The following ZDHHC14 variants were observed in gnomAD, a reference collection of about 807,000 sequenced individuals.
ZDHHC14 encodes the protein zDHHC palmitoyltransferase 14.
In ZDHHC14, 16 loss-of-function variants were observed where a neutral mutation model predicts 47.7. That is an observed-to-expected ratio of 0.34 (90% CI 0.23 to 0.51). ZDHHC14 has a LOEUF of 0.51. Ranked by LOEUF, ZDHHC14 falls within the 20% of genes least tolerant of loss-of-function variation. ZDHHC14 has a pLI of 0.97. For synonymous variants in ZDHHC14, 293 were observed against 278.9 expected (o/e 1.05, Z -0.50); for missense variants, 515 against 662.5 (o/e 0.78, Z 2.44).
chr6:157,637,695 G>A (rs1199037333), intron 5 of ZDHHC14, among the ~76,000 whole-genome samples: 1 of 152,104 alleles, frequency 6.6e-6, no homozygotes, highest in Non-Finnish European at 1.5e-5. Flanking sequence ...GCGTTTTCTC[G>A]GGCAAGACAA....
chr6:157,672,624 A>AGCCCCCCCCCC, intron 8 of ZDHHC14, 100 bp from the exon 9 acceptor site: 2 of 273,144 alleles, frequency 7.3e-6, no homozygotes, highest in Non-Finnish European at 1.4e-5. Context: ...CTCTTCTCGC[A>AGCCCCCCCCCC]CCCCACCCTC....
At chr6:157,411,472 CT>C (rs1777868567) in intron 1 of ZDHHC14, among the ~76,000 whole-genome samples, 1 of 152,200 alleles carries the variant, frequency 6.6e-6, no homozygotes, top group South Asian at 2.1e-4. Flanking sequence ...TGCAAAAACT[CT>C]TGCCATCAGG....
At chr6:157,587,646 C>T (rs1328287348) in intron 2 of ZDHHC14, among the ~76,000 whole-genome samples, 1 of 152,214 alleles carries the variant, frequency 6.6e-6, no homozygotes, top group Admixed American at 6.5e-5. Flanking sequence ...CCTGCCATTG[C>T]CCCGCCCTGC....
At chr6:157,509,001 T>C (rs1205794608) in intron 1 of ZDHHC14, among the ~76,000 whole-genome samples, 2 of 152,300 alleles carry the variant, frequency 1.3e-5, no homozygotes, top group East Asian at 3.9e-4. Context: ...AGTTCCCGTT[T>C]CTTCCCGGCT....
chr6:157,420,046 G>A lies in ZDHHC14; in HGVS notation c.245+37780G>A, dbSNP rs1374797674. 2.6e-5 allele frequency among the ~76,000 whole-genome samples: 4 copies of A among 152,318 alleles called. No homozygotes were observed. In the South Asian group the frequency reaches 8.3e-4, roughly 32 times the overall value. ...GCAATTTCCTAATGACGTGAGACAT[G>A]GAGCATCTTTTCATGTGCTTATTTG... On this transcript the variant is annotated intron_variant, in intron 1 of 8. Transcript: ENST00000359775.
intron 7 of ZDHHC14, among the ~76,000 whole-genome samples, chr6:157,649,308 A>G (rs903315799): frequency 6.6e-6 from 1 of 152,208 alleles, no homozygotes; most frequent in African/African-American, 2.4e-5. Context: ...GGGTGAAGGC[A>G]GAGCAAGACA....
intron 1 of ZDHHC14, among the ~76,000 whole-genome samples, chr6:157,532,757 A>C (rs2114786134): frequency 1.3e-5 from 2 of 152,364 alleles, no homozygotes; most frequent in South Asian, 4.1e-4. Context: ...AGACTAATTA[A>C]GGTATTGTAA....
chr6:157,571,225 A>G (rs17165437), intron 2 of ZDHHC14, among the ~76,000 whole-genome samples: 78,450 of 152,080 alleles, frequency 0.52, 21,058 homozygotes, highest in African/African-American at 0.68. Context: ...GCACGAGAGC[A>G]TTCCTTGAAT....
chr6:157,564,252 A>G (rs1377137711), intron 2 of ZDHHC14, among the ~76,000 whole-genome samples: 1 of 152,138 alleles, frequency 6.6e-6, no homozygotes, highest in African/African-American at 2.4e-5. Context: ...TGGTTGGATA[A>G]TCAGGCAGAA....
Position 157,573,062 on chromosome 6 carries a change from A to G in ZDHHC14, c.407-19926A>G, listed in dbSNP as rs536514247. On this transcript the variant is annotated intron_variant, in intron 2 of 8. Transcript: ENST00000359775. ...ATGACCAAGTCTGGGAAAAGCCCAA[A>G]TCCTTTGTGTTTTCTAACGAAATTA... Among the ~76,000 whole-genome samples, 19 of 152,224 alleles carry G rather than the reference A, an allele frequency of 1.2e-4. No homozygotes were observed. The East Asian group carries it at 1.4e-3, about 11-fold the overall frequency.
intron 1 of ZDHHC14, among the ~76,000 whole-genome samples, chr6:157,487,339 G>A (rs1036331035): frequency 1.3e-5 from 2 of 152,216 alleles, no homozygotes; most frequent in Non-Finnish European, 2.9e-5. Flanking sequence ...GTTCCAGCGC[G>A]GTCCTAGTGA....
chr6:157,484,307 A>G (rs1379783438), intron 1 of ZDHHC14, among the ~76,000 whole-genome samples: 120 of 114,224 alleles, frequency 1.1e-3, no homozygotes, highest in East Asian at 2.5e-3. Context: ...ATATATATAC[A>G]TATATATACA....
At chr6:157,667,905 G>A (rs1778623972) in intron 8 of ZDHHC14, among the ~76,000 whole-genome samples, 2 of 152,314 alleles carry the variant, frequency 1.3e-5, no homozygotes, top group East Asian at 1.9e-4. Context: ...ATTCCAGTCA[G>A]TAGAGTCATT....
chr6:157,450,018 G>T (rs948836144), intron 1 of ZDHHC14, among the ~76,000 whole-genome samples: 5 of 152,082 alleles, frequency 3.3e-5, no homozygotes, highest in African/African-American at 1.2e-4. Flanking sequence ...ACTAAAGGAG[G>T]TTTTACACAT....
At chr6:157,478,603 C>A (rs1013392604) in intron 1 of ZDHHC14, among the ~76,000 whole-genome samples, 2 of 152,098 alleles carry the variant, frequency 1.3e-5, no homozygotes, top group Non-Finnish European at 2.9e-5. Flanking sequence ...AAGAATGGTA[C>A]CTTTACGATT....
In ZDHHC14 at chr6:157,653,772, CAGG is replaced by C. The variant is rs755826627; in HGVS notation, c.1068+149_1068+151del. 10 of 707,292 alleles carry C rather than the reference CAGG, an allele frequency of 1.4e-5. 1 individual carries two copies. The highest frequency in any genetic ancestry group is 2.3e-5 in the Non-Finnish European group (10 of 426,700). The allele number at this position is 707,292 out of a possible 1,614,324, so 43.8% of individuals were successfully genotyped here. ...CCACCCCATGACTACTGCGCTCAGA[CAGG>C]AGGCAAGGCGTTAAACTAAGGCAGT... On this transcript the variant is annotated intron_variant, in intron 8 of 8. Transcript: ENST00000359775.
intron 2 of ZDHHC14, among the ~76,000 whole-genome samples, chr6:157,547,039 G>A (rs1298827294): frequency 6.6e-6 from 1 of 152,242 alleles, no homozygotes; most frequent in African/African-American, 2.4e-5. Flanking sequence ...GGTGGAACCA[G>A]ATCAAAGGAT....
intron 1 of ZDHHC14, among the ~76,000 whole-genome samples, chr6:157,500,269 T>C (rs1780165234): frequency 6.6e-6 from 1 of 152,074 alleles, no homozygotes; most frequent in African/African-American, 2.4e-5. Flanking sequence ...GGGAAGAAGA[T>C]CAACGTCACT....
intron 3 of ZDHHC14, among the ~76,000 whole-genome samples, chr6:157,596,900 G>A (rs1325597431): frequency 6.6e-6 from 1 of 152,198 alleles, no homozygotes; most frequent in Non-Finnish European, 1.5e-5. Context: ...AACAAGAAGC[G>A]TCTTCACAAA....
Sources: allele counts gnomAD v4.1 joint callset (sites outside exome capture counted in the v4.1 genomes callset), GRCh38; gene constraint gnomAD v4.1.1; transcripts MANE v1.5; gene names NCBI Gene and HGNC (gene_info 2026-07-23, HGNC 2026-07-21).